Variants in EPHB1 observed in about 807,000 individuals in gnomAD.
EPHB1 encodes ephrin type-B receptor 1.
EPHB1 carries 30 observed loss-of-function variants against 94.4 expected under a neutral mutation model. The ratio of observed to expected loss-of-function variants is 0.32; its 90% CI spans 0.24 to 0.43. EPHB1 has a LOEUF of 0.43. Ranked by LOEUF, EPHB1 falls within the 20% of genes least tolerant of loss-of-function variation. The pLI is 1.00. For synonymous variants in EPHB1, 522 were observed against 489.1 expected (o/e 1.07, Z -0.89); for missense variants, 1,055 against 1,308.3 (o/e 0.81, Z 2.99).
At chr3:135,006,920 C>T (rs186405484) in intron 3 of EPHB1, among the ~76,000 whole-genome samples, 77 of 152,170 alleles carry the variant, frequency 5.1e-4, no homozygotes, top group Non-Finnish European at 8.8e-4. Flanking sequence ...TTTGCCACCC[C>T]GACAGCTGAA....
intron 3 of EPHB1, among the ~76,000 whole-genome samples, chr3:135,077,525 A>T (rs1442143343): frequency 2.6e-5 from 4 of 152,210 alleles, no homozygotes; most frequent in Non-Finnish European, 5.9e-5. Context: ...TCACTGGGCC[A>T]TGGATGGCTG....
chr3:134,868,007 A>G (rs574942670), intron 1 of EPHB1, among the ~76,000 whole-genome samples: 1 of 152,328 alleles, frequency 6.6e-6, no homozygotes, highest in East Asian at 1.9e-4. Flanking sequence ...GGAGATTTGA[A>G]GAAGGGACTC....
Position 135,027,773 on chromosome 3 carries a change from T to C in EPHB1, c.805+75721T>C, listed in dbSNP as rs1251327356. On this transcript the variant is annotated intron_variant, in intron 3 of 15. Coordinates refer to ENST00000398015, the MANE Select transcript of EPHB1 (RefSeq NM_004441.5). ...TAGGGAGGATTCCCTCTTTTTCTAT[T>C]GATTGGAATAGTTTCAGAAGGAATG... 2.3e-4 allele frequency among the ~76,000 whole-genome samples: 31 copies of C among 133,084 alleles called. No homozygotes were observed. The South Asian group carries it at 8.1e-3, about 35-fold the overall frequency. 87.3% of individuals were successfully genotyped at this position (133,084 alleles called of 152,430 possible).
chr3:135,130,879 G>A (rs1465849053), intron 4 of EPHB1, among the ~76,000 whole-genome samples: 1 of 152,214 alleles, frequency 6.6e-6, no homozygotes, highest in African/African-American at 2.4e-5. Flanking sequence ...CTCTGCTATA[G>A]AAGTGAGACT....
chr3:135,167,736 C>G (rs1308550284), intron 9 of EPHB1, among the ~76,000 whole-genome samples: 1 of 152,220 alleles, frequency 6.6e-6, no homozygotes, highest in Non-Finnish European at 1.5e-5. Flanking sequence ...TTACAGCAGA[C>G]ACATTCTGTT....
chr3:134,913,365 A>G (rs2038495543), intron 1 of EPHB1, among the ~76,000 whole-genome samples: 1 of 152,172 alleles, frequency 6.6e-6, no homozygotes, highest in African/African-American at 2.4e-5. Context: ...ATCAGGCAAG[A>G]ATACCATCAA....
chr3:135,087,425 G>A (rs1938397785), intron 3 of EPHB1, among the ~76,000 whole-genome samples: 1 of 152,112 alleles, frequency 6.6e-6, no homozygotes, highest in Non-Finnish European at 1.5e-5. Context: ...ATGGTAAAGG[G>A]GGAATTCAAT....
intron 3 of EPHB1, among the ~76,000 whole-genome samples, chr3:134,956,296 C>T (rs375950861): frequency 6.6e-6 from 1 of 152,104 alleles, no homozygotes; most frequent in South Asian, 2.1e-4. Context: ...TGGATCTGTT[C>T]TTCCCCTGAG....
At chr3:135,058,620 C>T (rs946185060) in intron 3 of EPHB1, among the ~76,000 whole-genome samples, 22 of 152,220 alleles carry the variant, frequency 1.4e-4, no homozygotes, top group Admixed American at 1.3e-3. Flanking sequence ...TGGGCAAGTT[C>T]AAAGTCTTTA....
At chr3:135,056,798 G>T (rs1416533991) in intron 3 of EPHB1, among the ~76,000 whole-genome samples, 1 of 152,216 alleles carries the variant, frequency 6.6e-6, no homozygotes, top group Non-Finnish European at 1.5e-5. Flanking sequence ...GTGGTAGGAG[G>T]CTGGGCTCTG....
At chr3:135,215,013 C>T (rs1430486362) in intron 12 of EPHB1, among the ~76,000 whole-genome samples, 3 of 152,086 alleles carry the variant, frequency 2.0e-5, no homozygotes, top group African/African-American at 7.2e-5. Context: ...TGTAAAAACC[C>T]ATCTGATAAA....
intron 4 of EPHB1, among the ~76,000 whole-genome samples, chr3:135,122,767 C>T (rs1940026741): frequency 6.6e-6 from 1 of 152,236 alleles, no homozygotes; most frequent in Non-Finnish European, 1.5e-5. Context: ...GTACTTTCTA[C>T]AAACACTGGT....
chr3:135,225,341 G>C (rs1943368925), intron 12 of EPHB1, among the ~76,000 whole-genome samples: 1 of 152,182 alleles, frequency 6.6e-6, no homozygotes, highest in Non-Finnish European at 1.5e-5. Flanking sequence ...GAAGGCTTTT[G>C]CTTGCCACTG....
chr3:134,893,128 A>G (rs73222687), intron 1 of EPHB1, among the ~76,000 whole-genome samples: 8,811 of 152,236 alleles, frequency 0.058, 286 homozygotes, highest in South Asian at 0.12. Flanking sequence ...ACCTCCCTGT[A>G]ATATGGCCCT....
chr3:135,081,911 T>C (rs1938179124), intron 3 of EPHB1, among the ~76,000 whole-genome samples: 1 of 151,992 alleles, frequency 6.6e-6, no homozygotes, highest in African/African-American at 2.4e-5. Context: ...GCATAACTTC[T>C]GCAGGGAAAG....
At chr3:135,008,692 G>A (rs527386537) in intron 3 of EPHB1, among the ~76,000 whole-genome samples, 15 of 152,208 alleles carry the variant, frequency 9.9e-5, no homozygotes, top group Non-Finnish European at 4.4e-5. Flanking sequence ...AGGGTGTCTC[G>A]TTGTGCTCTG....
At chr3:135,034,699 A>G (rs1035021411) in intron 3 of EPHB1, among the ~76,000 whole-genome samples, 8 of 152,344 alleles carry the variant, frequency 5.3e-5, no homozygotes, top group Non-Finnish European at 5.9e-5. Flanking sequence ...GTGCCCTGCC[A>G]AGGCAGCTGT....
intron 2 of EPHB1, among the ~76,000 whole-genome samples, chr3:134,944,998 C>T (rs572739024): frequency 2.0e-5 from 3 of 152,304 alleles, no homozygotes; most frequent in African/African-American, 7.2e-5. Flanking sequence ...ACAACTCACA[C>T]TTTATGAAGA....
intron 14 of EPHB1, 68 bp downstream of exon 14, chr3:135,248,577 T>A (rs1943984663): frequency 1.4e-6 from 2 of 1,453,488 alleles, no homozygotes; most frequent in East Asian, 5.0e-5. Context: ...GCCAGCAGCC[T>A]CTGACCATGA....
Sources: gnomAD v4.1 joint callset for allele counts (sites outside exome capture counted in the v4.1 genomes callset) on GRCh38, gnomAD v4.1.1 for gene constraint, MANE v1.5 for transcripts, NCBI Gene and HGNC (gene_info 2026-07-23, HGNC 2026-07-21) for gene names.